Variants in SNTG1 observed in about 807,000 individuals in gnomAD.
The protein encoded by SNTG1 is syntrophin gamma 1.
SNTG1 carries 39 observed loss-of-function variants against 74.7 expected under a neutral mutation model. The observed-to-expected ratio is 0.52, with a 90% confidence interval of 0.40 to 0.68. The LOEUF is 0.68. Ranked by LOEUF, SNTG1 falls within the 30% of genes least tolerant of loss-of-function variation. The pLI is 0.00. For missense variants in SNTG1, 685 were observed against 609.5 expected (o/e 1.12, Z -1.30); for synonymous variants, 254 against 217.1 (o/e 1.17, Z -1.49).
intron 17 of SNTG1, 101 bp from the exon 18 acceptor site, chr8:50,751,900 C>A (rs1191665214): frequency 9.6e-6 from 6 of 628,154 alleles, no homozygotes; most frequent in Non-Finnish European, 1.3e-5. Context: ...ATAGTACTAA[C>A]TTTGTATGAT....
At chr8:50,726,455 G>A (rs1301534315) in intron 17 of SNTG1, among the ~76,000 whole-genome samples, 2 of 152,164 alleles carry the variant, frequency 1.3e-5, no homozygotes, top group Non-Finnish European at 2.9e-5. Context: ...GTGGGCAACA[G>A]GCAAGGTGGA....
intron 2 of SNTG1, among the ~76,000 whole-genome samples, chr8:50,289,677 T>G (rs955815869): frequency 2.6e-5 from 4 of 152,196 alleles, no homozygotes; most frequent in African/African-American, 9.7e-5. Flanking sequence ...GTATTCCCAG[T>G]GCCTACAATA....
chr8:50,325,105 T>C (rs2090692189), intron 2 of SNTG1, among the ~76,000 whole-genome samples: 1 of 150,172 alleles, frequency 6.7e-6, no homozygotes, highest in South Asian at 2.1e-4. Context: ...AATATATATA[T>C]GTATATCTTG....
intron 1 of SNTG1, among the ~76,000 whole-genome samples, chr8:50,110,384 G>A (rs184465102): frequency 2.0e-5 from 3 of 152,262 alleles, no homozygotes; most frequent in Admixed American, 1.3e-4. Flanking sequence ...TAACACAGGT[G>A]CAGGCAGGAC....
At chr8:50,169,235 T>C (rs1215047295) in intron 1 of SNTG1, among the ~76,000 whole-genome samples, 1 of 152,244 alleles carries the variant, frequency 6.6e-6, no homozygotes. Context: ...AAAGACATCA[T>C]AGGGCACACA....
intron 12 of SNTG1, among the ~76,000 whole-genome samples, chr8:50,555,420 C>T (rs557978132): frequency 2.0e-4 from 31 of 152,180 alleles, no homozygotes; most frequent in East Asian, 3.9e-4. Context: ...ACATTGATTT[C>T]AGAGAAGGCA....
intron 8 of SNTG1, among the ~76,000 whole-genome samples, chr8:50,460,878 T>C (rs73583456): frequency 0.025 from 3,801 of 152,274 alleles, 146 homozygotes; most frequent in African/African-American, 0.086. Flanking sequence ...AATTCTAATA[T>C]ACCCCTCACA....
intron 12 of SNTG1, among the ~76,000 whole-genome samples, chr8:50,581,955 G>T (rs1391060632): frequency 1.3e-5 from 2 of 152,174 alleles, no homozygotes; most frequent in Non-Finnish European, 2.9e-5. Flanking sequence ...AGGAGGTTAA[G>T]AAATTTCTTG....
chr8:50,135,146 CT>C (rs1319484665), intron 1 of SNTG1, among the ~76,000 whole-genome samples: 2 of 152,276 alleles, frequency 1.3e-5, no homozygotes, highest in East Asian at 1.9e-4. Context: ...GCCCTACCCC[CT>C]GTCAACAAGA....
intron 1 of SNTG1, among the ~76,000 whole-genome samples, chr8:50,130,284 T>C (rs2081277818): frequency 6.6e-6 from 1 of 152,096 alleles, no homozygotes. Context: ...CACACAAAGC[T>C]AATTGGAGTT....
chr8:50,213,800 T>C (rs2084640416), intron 2 of SNTG1, among the ~76,000 whole-genome samples: 1 of 151,982 alleles, frequency 6.6e-6, no homozygotes, highest in African/African-American at 2.4e-5. Context: ...TGTAAATTTG[T>C]TTGAGTTCAT....
At chr8:50,341,465 T>C (rs535935060) in intron 2 of SNTG1, among the ~76,000 whole-genome samples, 8 of 152,128 alleles carry the variant, frequency 5.3e-5, no homozygotes, top group South Asian at 4.1e-4. Flanking sequence ...ATTAATTTAT[T>C]CAACAAATAT....
chr8:50,673,770 T>A (rs1211898357), intron 15 of SNTG1, among the ~76,000 whole-genome samples: 1 of 152,192 alleles, frequency 6.6e-6, no homozygotes. Flanking sequence ...TCAAAGGGAA[T>A]GCTTCCAGCT....
chr8:50,437,729 C>A (rs887946811), intron 4 of SNTG1, among the ~76,000 whole-genome samples: 3 of 152,134 alleles, frequency 2.0e-5, no homozygotes, highest in African/African-American at 7.2e-5. Flanking sequence ...ATGGAGCAAG[C>A]TATAAGTTAA....
chr8:49,986,739 G>C (rs1813195047), intron 1 of SNTG1, among the ~76,000 whole-genome samples: 1 of 145,672 alleles, frequency 6.9e-6, no homozygotes, highest in South Asian at 2.2e-4. Flanking sequence ...AAAATAGCCA[G>C]GTGTTGTGGT....
chr8:50,101,441 G>T (rs867301720), intron 1 of SNTG1, among the ~76,000 whole-genome samples: 1 of 151,990 alleles, frequency 6.6e-6, no homozygotes, highest in African/African-American at 2.4e-5. Flanking sequence ...CTTCAGCATC[G>T]TTATTCTTTG....
intron 1 of SNTG1, among the ~76,000 whole-genome samples, chr8:50,049,004 TA>T (rs954922167): frequency 4.7e-4 from 71 of 151,704 alleles, no homozygotes; most frequent in African/African-American, 1.6e-3. Flanking sequence ...TCAAAAAAGT[TA>T]AAAAAACTAT....
At chr8:50,709,839 G>C (rs1287001037) in intron 17 of SNTG1, among the ~76,000 whole-genome samples, 2 of 152,004 alleles carry the variant, frequency 1.3e-5, no homozygotes, top group African/African-American at 4.8e-5. Context: ...GTATGGCTTG[G>C]GTATAAATTG....
chr8:50,308,810 T>A (rs2089996104), intron 2 of SNTG1, among the ~76,000 whole-genome samples: 1 of 152,230 alleles, frequency 6.6e-6, no homozygotes. Flanking sequence ...TCAGAAACGC[T>A]ATTTAGACAT....
Sources: allele counts gnomAD v4.1 joint callset (sites outside exome capture counted in the v4.1 genomes callset), GRCh38; gene constraint gnomAD v4.1.1; transcripts MANE v1.5; gene names NCBI Gene and HGNC (gene_info 2026-07-23, HGNC 2026-07-21).